Variants in WDHD1 observed in about 807,000 individuals in gnomAD.
The protein encoded by WDHD1 is WD repeat and HMG-box DNA-binding protein 1.
Under a neutral mutation model 135.4 loss-of-function variants are expected in WDHD1, and 111 were observed. The ratio of observed to expected loss-of-function variants is 0.82; its 90% confidence interval spans 0.70 to 0.96. The LOEUF (loss-of-function observed/expected upper bound fraction) is 0.96, where lower values mean the gene tolerates loss of function less well. Ranked by LOEUF, WDHD1 falls within the 40% of genes least tolerant of loss-of-function variation. The pLI is 0.00. For missense variants in WDHD1, 1,351 were observed against 1,336.3 expected, an observed-to-expected ratio of 1.01 and a Z score of -0.17; for synonymous variants, 434 against 439.0, an observed-to-expected ratio of 0.99 and a Z score of 0.14.
intron 15 of WDHD1, among the ~76,000 whole-genome samples, chr14:54,983,134 A>T (rs1459184521): frequency 2.0e-5 from 3 of 152,158 alleles, no homozygotes; most frequent in Admixed American, 2.0e-4. Flanking sequence ...ACTGCAGTCC[A>T]GCCTGGGTGA....
chr14:54,959,551 C>T (rs1315659435), intron 21 of WDHD1, among the ~76,000 whole-genome samples: 4 of 151,956 alleles, frequency 2.6e-5, no homozygotes, highest in Admixed American at 6.6e-5. Context: ...TCACTTAAGC[C>T]CAGGAGTTCC....
At position 55,026,750 on chromosome 14, in the gene WDHD1, G is replaced by A. The variant is rs2140238402; in HGVS notation, c.38C>T (p.Thr13Ile). The stretch of plus-strand genomic sequence containing the variant: ...AAAACAGACCTCCGTGTGTCCCTCT[G>A]TATGCCCATATCTCATTGGCTTCCG... ...ATRKPMRYGH[T>I]EGHTEVCFDD... Residue 13 changes from threonine to isoleucine, a missense_variant, in exon 2 of 26, where the codon ACA becomes ATA. By Grantham distance (89) the Thr-to-Ile change is moderately conservative (BLOSUM62 -1). Transcript: ENST00000360586. 1.9e-6 allele frequency: 3 copies of A among 1,614,192 alleles called. No individual in the cohort carries two copies. The highest frequency in any genetic ancestry group is 1.3e-5 in the African/African-American group (1 of 75,030).
At chr14:54,971,423 A>T (rs1425974286) in intron 16 of WDHD1, among the ~76,000 whole-genome samples, 1 of 152,094 alleles carries the variant, frequency 6.6e-6, no homozygotes, top group Non-Finnish European at 1.5e-5. Context: ...AAAAAAATTT[A>T]AAAATTATCC....
At chr14:54,982,466 C>T (rs1483437808) in intron 15 of WDHD1, among the ~76,000 whole-genome samples, 1 of 152,010 alleles carries the variant, frequency 6.6e-6, no homozygotes, top group East Asian at 1.9e-4. Context: ...TTTTGTTGGC[C>T]TTGTCACTAC....
chr14:54,983,371 A>G (rs987747907), intron 15 of WDHD1, among the ~76,000 whole-genome samples: 1 of 151,766 alleles, frequency 6.6e-6, no homozygotes. Flanking sequence ...CAACAAAAAA[A>G]AGTTAAGTGA....
Position 55,000,512 on chromosome 14 carries a change from T to C in WDHD1, c.933A>G (p.Ser311=). 6.2e-7 allele frequency: 1 copy of C among 1,603,776 alleles called. No individual in the cohort carries two copies. Among genetic ancestry groups the C allele is most frequent in the Non-Finnish European group, 8.5e-7 (1 of 1,174,874 alleles). The change falls in exon 10 of 26, where the codon TCA becomes TCG. Residue 311 remains serine, a synonymous_variant. Transcript: ENST00000360586. The part of the protein sequence containing the change: ...ENVCDPSGKT[S]SSKVSSRVEK... ...CCATACTCCCTTTTACCTTACTGCT[T>C]GATGTCTTTCCACTGGGGTCACAAA...
intron 3 of WDHD1, among the ~76,000 whole-genome samples, chr14:55,013,270 A>G (rs2042203490): frequency 1.3e-5 from 2 of 151,414 alleles, no homozygotes; most frequent in African/African-American, 4.9e-5. Context: ...TTATTTCATG[A>G]GATTAAAAAA....
chr14:54,956,847 C>T (rs977853478), intron 23 of WDHD1, among the ~76,000 whole-genome samples, 187 bp downstream of exon 23: 2 of 152,162 alleles, frequency 1.3e-5, no homozygotes, highest in Admixed American at 1.3e-4. Flanking sequence ...ACCTCAGCCT[C>T]CTGAGTATCT....
chr14:54,975,730 G>A (rs2041514719), intron 16 of WDHD1, among the ~76,000 whole-genome samples: 6 of 150,488 alleles, frequency 4.0e-5, no homozygotes. Flanking sequence ...ACGGGGTTTT[G>A]CTGTTGCCCA....
chr14:54,986,762 GA>G (rs1445536622), intron 14 of WDHD1, among the ~76,000 whole-genome samples: 1 of 152,156 alleles, frequency 6.6e-6, no homozygotes, highest in African/African-American at 2.4e-5. Context: ...GGGGACTGAA[GA>G]AAGACATGAG....
At chr14:54,948,336 T>A (rs573925833) in intron 24 of WDHD1, among the ~76,000 whole-genome samples, 1 of 152,222 alleles carries the variant, frequency 6.6e-6, no homozygotes, top group African/African-American at 2.4e-5. Context: ...ACCTGGAAAA[T>A]TGGGTCACCC....
At position 54,992,295 on chromosome 14, in the gene WDHD1, A is replaced by C. The variant is rs551679731; in HGVS notation, c.1154-895T>G. Among the ~76,000 whole-genome samples, 62 of 152,232 alleles carry C rather than the reference A, an allele frequency of 4.1e-4. 1 individual carries two copies. Among genetic ancestry groups the C allele is most frequent in the Non-Finnish European group, 6.9e-4 (47 of 67,996 alleles). On this transcript the variant is annotated intron_variant, in intron 11 of 25. Coordinates refer to ENST00000360586, the MANE Select transcript of WDHD1 (RefSeq NM_007086.4). Reference sequence around the variant, plus strand: ...CATTTGAGGTCAGGAGTCCGAGACCAGATTGACCTACATAGTGAAACCCCG... The same window carrying C: ...CATTTGAGGTCAGGAGTCCGAGACCCGATTGACCTACATAGTGAAACCCCG...
At chr14:54,995,879 A>C (rs1186315317) in intron 10 of WDHD1, 66 bp from the exon 11 acceptor site, 1 of 1,329,140 alleles carries the variant, frequency 7.5e-7, no homozygotes, top group Non-Finnish European at 1.0e-6. Flanking sequence ...ATTACTAAAA[A>C]GGTAAACTTT....
rs768492858 is a variant in WDHD1 at position 54,995,853 on chromosome 14, G to A, written c.943-40C>T. ...TACAAATTATAAAGTAAAAGTGAAT[G>A]ATTTAGAAAAACTCAATTACTAAAA... On this transcript the variant is annotated intron_variant, in intron 10 of 25. Transcript: ENST00000360586. 18 of 1,442,382 alleles carry A rather than the reference G, an allele frequency of 1.2e-5. No individual in the cohort carries two copies. In the Admixed American group the frequency reaches 3.2e-4, roughly 26 times the overall value. The allele number at this position is 1,442,382 out of a possible 1,614,324, so 89.3% of individuals were successfully genotyped here.
At chr14:54,985,032 G>A (rs562189360) in intron 14 of WDHD1, among the ~76,000 whole-genome samples, 172 bp from the exon 15 acceptor site, 26 of 152,320 alleles carry the variant, frequency 1.7e-4, no homozygotes, top group African/African-American at 5.8e-4. Context: ...AACACAGTAA[G>A]ATGTTACATG....
At chr14:55,004,504 G>A (rs1379580880) in intron 7 of WDHD1, among the ~76,000 whole-genome samples, 1 of 152,030 alleles carries the variant, frequency 6.6e-6, no homozygotes, top group Non-Finnish European at 1.5e-5. Flanking sequence ...CTGAGCTAGA[G>A]TGCAGTATTG....
At chr14:54,944,920 A>G (rs1363582218) in intron 24 of WDHD1, among the ~76,000 whole-genome samples, 2 of 152,088 alleles carry the variant, frequency 1.3e-5, no homozygotes, top group East Asian at 3.9e-4. Context: ...ATATTACTTT[A>G]AACTGCCTGG....
At chr14:54,988,944 T>G (rs1269479364) in intron 13 of WDHD1, 84 bp downstream of exon 13, 39 of 1,279,688 alleles carry the variant, frequency 3.0e-5, no homozygotes, top group Non-Finnish European at 4.0e-5. Context: ...TAAATTTTGT[T>G]TTATTAACTT....
intron 7 of WDHD1, among the ~76,000 whole-genome samples, chr14:55,006,067 T>A (rs1311055275): frequency 6.6e-6 from 1 of 152,132 alleles, no homozygotes; most frequent in Non-Finnish European, 1.5e-5. Flanking sequence ...TCTTGCTATG[T>A]TGCCCAGGCT....
Sources: gnomAD v4.1 joint callset for allele counts (sites outside exome capture counted in the v4.1 genomes callset) on GRCh38, gnomAD v4.1.1 for gene constraint, MANE v1.5 for transcripts, NCBI Gene and HGNC (gene_info 2026-07-23, HGNC 2026-07-21) for gene names.